The following SYTL3 variants were observed in gnomAD, a reference collection of about 807,000 sequenced individuals.
The protein encoded by SYTL3 is synaptotagmin-like protein 3.
In SYTL3, 88 loss-of-function variants were observed where a neutral mutation model predicts 82.1. The observed-to-expected ratio is 1.07, with a 90% confidence interval of 0.90 to 1.28. The LOEUF is 1.28. Among genes scored for constraint, SYTL3 ranks in the 50% most tolerant of loss-of-function variants. The pLI is 0.00. For synonymous variants in SYTL3, 311 were observed against 289.4 expected, an observed-to-expected ratio of 1.07 and a Z score of -0.76; for missense variants, 831 against 757.6, an observed-to-expected ratio of 1.10 and a Z score of -1.14.
rs191642596 is a variant in SYTL3, at chr6:158,744,802, C to T, written c.856-678C>T. 7.4e-4 allele frequency among the ~76,000 whole-genome samples: 113 copies of T among 152,220 alleles called. 1 individual carries two copies. The highest frequency in any genetic ancestry group is 2.9e-3 in the Admixed American group (44 of 15,286). ...AGGTAGCTGATTGTATCTTTTAGGC[C>T]CAGGAATTTTGTGCTAATTAATAAC... is the stretch of plus-strand genomic sequence containing the variant. On this transcript the variant is annotated intron_variant, in intron 11 of 17. Transcript: ENST00000611299.
chr6:158,698,498 T>C (rs1031791175), intron 6 of SYTL3, among the ~76,000 whole-genome samples: 1 of 152,102 alleles, frequency 6.6e-6, no homozygotes, highest in Non-Finnish European at 1.5e-5. Context: ...GTCAAACTTT[T>C]AGAGAGATTT....
At chr6:158,679,425 A>G (rs1778407148) in intron 5 of SYTL3, among the ~76,000 whole-genome samples, 1 of 152,062 alleles carries the variant, frequency 6.6e-6, no homozygotes, top group South Asian at 2.1e-4. Context: ...TACAAAAGAT[A>G]TTGTGGAATA....
At chr6:158,691,427 A>C (rs937390006) in intron 6 of SYTL3, among the ~76,000 whole-genome samples, 2 of 152,172 alleles carry the variant, frequency 1.3e-5, no homozygotes, top group African/African-American at 4.8e-5. Flanking sequence ...CAAAATTAGT[A>C]AACAATTATG....
intron 12 of SYTL3, among the ~76,000 whole-genome samples, chr6:158,751,097 C>T (rs1788329673): frequency 6.6e-6 from 1 of 152,084 alleles, no homozygotes; most frequent in African/African-American, 2.4e-5. Context: ...CGCCTGGCCT[C>T]CTGGCCGATT....
At chr6:158,679,546 T>G (rs79066117) in intron 5 of SYTL3, among the ~76,000 whole-genome samples, 2,271 of 151,312 alleles carry the variant, frequency 0.015, 36 homozygotes, top group African/African-American at 0.033. Flanking sequence ...GTCATATGGT[T>G]TAGGGATAAA....
At chr6:158,646,796 T>C (rs1489532146), upstream of SYTL3, among the ~76,000 whole-genome samples, 1 of 152,172 alleles carries the variant, frequency 6.6e-6, no homozygotes, top group African/African-American at 2.4e-5. Flanking sequence ...TGCGCCTCAG[T>C]CCACATGTGA....
intron 6 of SYTL3, among the ~76,000 whole-genome samples, chr6:158,687,468 G>A (rs1779416340): frequency 6.6e-6 from 1 of 152,194 alleles, no homozygotes; most frequent in Admixed American, 6.5e-5. Context: ...GGTCCCACAG[G>A]TCAGCCCTAG....
At position 158,708,481 on chromosome 6, in the gene SYTL3, C is replaced by T. The variant is rs576274122; in HGVS notation, c.516+90C>T. ...GAGCTTTCGAGGCTGAGGCCGGGCA[C>T]GGAACCTCCCAGCAAAGGGATCTGA... On this transcript the variant is annotated intron_variant, in intron 8 of 17. Transcript: ENST00000611299. The T allele has an allele frequency of 1.0e-4, 131 of 1,253,088 alleles. 1 individual carries two copies. In the East Asian group the frequency reaches 2.3e-3, roughly 22 times the overall value. The allele number at this position is 1,253,088 out of a possible 1,614,324, so 77.6% of individuals were successfully genotyped here. A position where few individuals can be genotyped will look rare whatever the true frequency, so the allele number is the denominator to read the frequency against.
At chr6:158,731,490 A>G (rs185835588) in intron 11 of SYTL3, among the ~76,000 whole-genome samples, 2 of 152,012 alleles carry the variant, frequency 1.3e-5, no homozygotes, top group African/African-American at 4.8e-5. Flanking sequence ...GACACATCAT[A>G]CCCAAGTCAA....
intron 5 of SYTL3, among the ~76,000 whole-genome samples, chr6:158,677,705 C>CAAAAAAAAAAAAAAAAAAAA (rs56865775): frequency 1.5e-5 from 1 of 68,116 alleles, no homozygotes; most frequent in Non-Finnish European, 3.2e-5. Flanking sequence ...AACTCTGTCT[C>CAAAAAAAAAAAAAAAAAAAA]AAAAAAAAAA....
chr6:158,664,412 A>T (rs1789764349), intron 4 of SYTL3, among the ~76,000 whole-genome samples: 2 of 152,092 alleles, frequency 1.3e-5, no homozygotes, highest in South Asian at 2.1e-4. Flanking sequence ...GGGCGGTGGC[A>T]GGTGCCTGTA....
At chr6:158,760,818 GGT>G (rs1178116627) in intron 15 of SYTL3, 73 bp downstream of exon 15, 1 of 1,258,410 alleles carries the variant, frequency 7.9e-7, no homozygotes, top group African/African-American at 1.5e-5. Context: ...GGCAGACTGA[GGT>G]GGGGTGAAAG....
chr6:158,671,061 C>T (rs1777321371), intron 5 of SYTL3, among the ~76,000 whole-genome samples: 1 of 152,052 alleles, frequency 6.6e-6, no homozygotes, highest in African/African-American at 2.4e-5. Context: ...GCCTCAGCCT[C>T]CCAAAGTGCT....
At chr6:158,716,861 A>G (rs932477994) in intron 9 of SYTL3, among the ~76,000 whole-genome samples, 4 of 152,258 alleles carry the variant, frequency 2.6e-5, no homozygotes, top group Non-Finnish European at 4.4e-5. Context: ...AAGATGCACT[A>G]CCAAAGTGAA....
intron 3 of SYTL3, among the ~76,000 whole-genome samples, chr6:158,662,354 T>A (rs1165283877): frequency 6.6e-6 from 1 of 152,268 alleles, no homozygotes; most frequent in Non-Finnish European, 1.5e-5. Flanking sequence ...AGACTGTAAA[T>A]AATTGATAGG....
chr6:158,704,015 C>T (rs773105991), intron 6 of SYTL3, among the ~76,000 whole-genome samples: 16 of 151,574 alleles, frequency 1.1e-4, no homozygotes, highest in Admixed American at 4.6e-4. Context: ...TTAGTAGAGA[C>T]GAGGTTTCAT....
rs569533204 is a variant in SYTL3 at position 158,756,361 on chromosome 6, G to A, written c.1138-850G>A. On this transcript the variant is annotated intron_variant, in intron 13 of 17. Transcript: ENST00000611299. Reference sequence around the variant, plus strand: ...GGCACCGTCCCTCCAGGGCAAACACGTGGTGTTGCGGGGAATGGAGGAGGG... The same window carrying A: ...GGCACCGTCCCTCCAGGGCAAACACATGGTGTTGCGGGGAATGGAGGAGGG... Among the ~76,000 whole-genome samples the A allele has an allele frequency of 1.6e-4, 24 of 152,370 alleles. 1 individual carries two copies. Among genetic ancestry groups the A allele is most frequent in the Middle Eastern group, 6.8e-3 (2 of 294 alleles).
intron 13 of SYTL3, among the ~76,000 whole-genome samples, chr6:158,756,073 G>A (rs1414105735): frequency 6.6e-6 from 1 of 152,232 alleles, no homozygotes; most frequent in African/African-American, 2.4e-5. Flanking sequence ...TAACTTGTAG[G>A]GTTTGTTCAT....
At chr6:158,649,025 A>G (rs1437300915), upstream of SYTL3, among the ~76,000 whole-genome samples, 10 of 152,168 alleles carry the variant, frequency 6.6e-5, no homozygotes, top group East Asian at 1.3e-3. Context: ...CTTCCTCTCA[A>G]TCCTGGTGAC....
Sources: allele counts gnomAD v4.1 joint callset (sites outside exome capture counted in the v4.1 genomes callset), GRCh38; gene constraint gnomAD v4.1.1; transcripts MANE v1.5; gene names NCBI Gene and HGNC (gene_info 2026-07-23, HGNC 2026-07-21).